CLNK: variants seen among roughly 807,000 people sequenced by gnomAD.
The protein encoded by CLNK is cytokine-dependent hematopoietic cell linker.
CLNK carries 74 observed loss-of-function variants against 68.6 expected under a neutral mutation model. The observed-to-expected ratio is 1.08, with a 90% CI of 0.89 to 1.31. The LOEUF is 1.31. Among genes scored for constraint, CLNK ranks in the 50% most tolerant of loss-of-function variants. The probability of loss-of-function intolerance (pLI) is 0.00; values close to 1 mark genes in which losing one functional copy is unlikely to be tolerated. For synonymous variants in CLNK, 198 were observed against 172.2 expected (o/e 1.15, Z -1.17); for missense variants, 553 against 515.3 (o/e 1.07, Z -0.71).
At position 10,540,454 on chromosome 4, in the gene CLNK, C is replaced by T. The variant is rs777819998; in HGVS notation, c.602+40G>A. ...CTTGTCCCCCTCCCCCACACCCACA[C>T]TCTTGCTGGTCATTTCACCATTGAT... On this transcript the variant is annotated intron_variant, in intron 11 of 18. Coordinates refer to ENST00000226951, the MANE Select transcript of CLNK (RefSeq NM_052964.4). 2.7e-6 allele frequency: 4 copies of T among 1,493,806 alleles called. 1 individual carries two copies. In the South Asian group the frequency reaches 4.5e-5, roughly 17 times the overall value. The allele number at this position is 1,493,806 out of a possible 1,614,324, so 92.5% of individuals were successfully genotyped here.
rs1161213077 is a variant in CLNK at position 10,488,624 on chromosome 4, G to T, written c.*1843C>A. On this transcript the variant is annotated 3_prime_UTR_variant, in exon 19 of 19. Transcript: ENST00000226951. Reference sequence around the variant, plus strand: ...CATACTCTACGATAGGCTCAGCTGGGTCTCAAAAGTTCCAGCTTTACAAAT... The same window carrying T: ...CATACTCTACGATAGGCTCAGCTGGTTCTCAAAAGTTCCAGCTTTACAAAT... 3.9e-5 allele frequency: 6 copies of T among 152,178 alleles called. No homozygotes were observed. Among genetic ancestry groups the T allele is most frequent in the Non-Finnish European group, 7.3e-5 (5 of 68,048 alleles). The allele number at this position is 152,178 out of a possible 1,614,324, so 9.4% of individuals were successfully genotyped here.
In CLNK at chr4:10,668,659, G is replaced by A. The variant is rs76493853; in HGVS notation, c.-42-748C>T. On this transcript the variant is annotated intron_variant, in intron 1 of 18. Coordinates refer to ENST00000226951, the MANE Select transcript of CLNK (RefSeq NM_052964.4). ...TATCTGGGAGTGGTAACAAAAGGGC[G>A]CTGTCACATGCCTGGGCTTGGAGGG... Among the ~76,000 whole-genome samples, 195 of 152,282 alleles carry A rather than the reference G, an allele frequency of 1.3e-3. 1 individual carries two copies. In the East Asian group the frequency reaches 0.031, roughly 24 times the overall value.
chr4:10,596,624 T>A (rs555821269), intron 3 of CLNK, among the ~76,000 whole-genome samples: 3 of 152,244 alleles, frequency 2.0e-5, no homozygotes, highest in Non-Finnish European at 4.4e-5. Flanking sequence ...TATATTCATA[T>A]AATGCATTCA....
chr4:10,555,693 C>T (rs1719642480), intron 8 of CLNK, among the ~76,000 whole-genome samples: 1 of 152,138 alleles, frequency 6.6e-6, no homozygotes, highest in Admixed American at 6.5e-5. Context: ...ATAAAATCTG[C>T]CATTACTGAA....
intron 4 of CLNK, among the ~76,000 whole-genome samples, chr4:10,580,618 G>A (rs528160238): frequency 6.6e-6 from 1 of 151,048 alleles, no homozygotes; most frequent in South Asian, 2.1e-4. Context: ...TTAGTTTTTG[G>A]CAAAAACATT....
intron 3 of CLNK, among the ~76,000 whole-genome samples, chr4:10,587,965 G>A (rs1577149317): frequency 6.6e-6 from 1 of 152,202 alleles, no homozygotes; most frequent in South Asian, 2.1e-4. Flanking sequence ...ATCAGCTGGT[G>A]AGGAGCAAAT....
At chr4:10,658,376 T>C (rs137973918) in intron 2 of CLNK, among the ~76,000 whole-genome samples, 16 of 152,362 alleles carry the variant, frequency 1.1e-4, no homozygotes, top group Admixed American at 2.6e-4. Flanking sequence ...CAGCCGACAG[T>C]ATCTGTTCCA....
chr4:10,490,733 T>C lies in CLNK; in HGVS notation c.1141-120A>G, dbSNP rs1352444319. On this transcript the variant is annotated intron_variant, in intron 18 of 18. Coordinates refer to ENST00000226951, the MANE Select transcript of CLNK (RefSeq NM_052964.4). ...AGGTGAACCAATTTAACAATGTTTG[T>C]ATGGTAAAGGTGTTTCAGGAAGTGG... is the stretch of plus-strand genomic sequence containing the variant. 3.9e-6 allele frequency: 3 copies of C among 778,970 alleles called. No homozygotes were observed. In the Admixed American group the frequency reaches 8.6e-5, roughly 22 times the overall value. 48.3% of individuals were successfully genotyped at this position (778,970 alleles called of 1,614,324 possible). A position where few individuals can be genotyped will look rare whatever the true frequency, so the allele number is the denominator to read the frequency against.
chr4:10,621,572 C>G (rs1181148201), intron 2 of CLNK, among the ~76,000 whole-genome samples: 1 of 152,174 alleles, frequency 6.6e-6, no homozygotes, highest in Non-Finnish European at 1.5e-5. Flanking sequence ...ATGCTAGTCA[C>G]TGGAATCTGC....
At chr4:10,535,262 A>AGAAAGAAAGAAAGAAAGAAG (rs1718713153) in intron 11 of CLNK, among the ~76,000 whole-genome samples, 1 of 145,586 alleles carries the variant, frequency 6.9e-6, no homozygotes, top group Non-Finnish European at 1.5e-5. Flanking sequence ...AAAGAAAGAA[A>AGAAAGAAAGAAAGAAAGAAG]GAAAAAATGG....
intron 2 of CLNK, among the ~76,000 whole-genome samples, chr4:10,634,297 G>T (rs1722997843): frequency 6.6e-6 from 1 of 152,206 alleles, no homozygotes; most frequent in African/African-American, 2.4e-5. Context: ...AGACACCTGG[G>T]TGGTCATTTT....
Position 10,566,094 on chromosome 4 carries a change from A to G in CLNK, c.207T>C (p.Tyr69=), listed in dbSNP as rs931538898. ...CTTCCATCCGAAGCTCAGGGTCATC[A>G]TAGTCATCATCACTGTGGCCTTTTG... ...DGAKGHSDDD[Y]DDPELRMEET... The change falls in exon 6 of 19, where the codon TAT becomes TAC. Residue 69 remains tyrosine, a synonymous_variant. Transcript: ENST00000226951. 42 of 1,613,840 alleles carry G rather than the reference A, an allele frequency of 2.6e-5. No homozygotes were observed. The highest frequency in any genetic ancestry group is 1.5e-4 in the African/African-American group (11 of 74,914).
intron 2 of CLNK, among the ~76,000 whole-genome samples, chr4:10,658,640 G>A (rs940407236): frequency 6.6e-6 from 1 of 152,156 alleles, no homozygotes; most frequent in South Asian, 2.1e-4. Flanking sequence ...CAAGGCTTGG[G>A]TGTCTACAGT....
At chr4:10,694,082 G>A in the CLNK span, among the ~76,000 whole-genome samples, 23 of 152,032 alleles carry the variant, frequency 1.5e-4, no homozygotes, top group African/African-American at 4.6e-4. Flanking sequence ...TGGTAGAGGC[G>A]AGGAAACCAT....
chr4:10,550,876 G>A (rs547367546), intron 8 of CLNK, among the ~76,000 whole-genome samples: 1 of 152,196 alleles, frequency 6.6e-6, no homozygotes, highest in East Asian at 1.9e-4. Flanking sequence ...CTGCTCTTGC[G>A]CTTTTGGACC....
chr4:10,606,967 C>T (rs956702071), intron 2 of CLNK, among the ~76,000 whole-genome samples: 1 of 152,152 alleles, frequency 6.6e-6, no homozygotes. Context: ...CTGATTTAAT[C>T]GTCACAACTT....
chr4:10,547,452 C>T (rs1232366278), intron 8 of CLNK, among the ~76,000 whole-genome samples: 1 of 152,168 alleles, frequency 6.6e-6, no homozygotes, highest in African/African-American at 2.4e-5. Context: ...GACTCCTGCC[C>T]TTTTTGTTAT....
the CLNK span, among the ~76,000 whole-genome samples, chr4:10,701,398 C>G: frequency 8.8e-4 from 134 of 152,308 alleles, no homozygotes; most frequent in African/African-American, 3.1e-3. Context: ...CAGCTGAAAG[C>G]CAGCATTATT....
chr4:10,537,682 C>T (rs13112288), intron 11 of CLNK, among the ~76,000 whole-genome samples: 612 of 22,234 alleles, frequency 0.028, 6 homozygotes, highest in Admixed American at 0.039. Flanking sequence ...TTTCTTTCTT[C>T]CTTCCTTCCT....
Sources: gnomAD v4.1 joint callset for allele counts (sites outside exome capture counted in the v4.1 genomes callset) on GRCh38, gnomAD v4.1.1 for gene constraint, MANE v1.5 for transcripts, NCBI Gene and HGNC (gene_info 2026-07-23, HGNC 2026-07-21) for gene names.